Variants in LEF1 observed in about 807,000 individuals in gnomAD.
LEF1 encodes the protein lymphoid enhancer binding factor 1.
A neutral mutation model predicts 51.2 loss-of-function variants in LEF1; 14 were observed. The observed-to-expected ratio is 0.27, with a 90% confidence interval of 0.18 to 0.43. The LOEUF (loss-of-function observed/expected upper bound fraction) is 0.43, where lower values mean the gene tolerates loss of function less well. Among genes scored for constraint, LEF1 ranks in the 20% least tolerant of loss-of-function variants. The pLI, the probability that LEF1 is intolerant of heterozygous loss-of-function variation, is 1.00. For missense variants in LEF1, 386 were observed against 512.0 expected (o/e 0.75, Z 2.37); for synonymous variants, 185 against 183.2 (o/e 1.01, Z -0.08).
intron 3 of LEF1, among the ~76,000 whole-genome samples, chr4:108,152,445 C>T (rs1299955266): frequency 1.3e-5 from 2 of 152,120 alleles, no homozygotes; most frequent in Admixed American, 6.6e-5. Flanking sequence ...GCAAGGCACT[C>T]GGGGAGAAAA....
rs571804941 is a variant in LEF1 at position 108,060,378 on chromosome 4, C to T, written c.*6+3245G>A. 8.5e-5 allele frequency among the ~76,000 whole-genome samples: 13 copies of T among 152,242 alleles called. No homozygotes were observed. The South Asian group carries it at 1.5e-3, about 17-fold the overall frequency. ...AAGCAAAGCAGACCAGAAAGTTGGA[C>T]TTGAGGGAGAGACAGACAGGGATCT... On this transcript the variant is annotated intron_variant, in intron 11 of 11. Coordinates refer to ENST00000265165, the MANE Select transcript of LEF1 (RefSeq NM_016269.5).
Position 108,167,574 on chromosome 4 carries a change from G to A in LEF1, c.194C>T (p.Pro65Leu). 1 of 1,614,166 alleles carries A rather than the reference G, an allele frequency of 6.2e-7. No individual in the cohort carries two copies. Among genetic ancestry groups the A allele is most frequent in the Non-Finnish European group, 8.5e-7 (1 of 1,179,998 alleles). ...SSLVNESEII[P>L]ASNGHEVARQ... The stretch of plus-strand genomic sequence containing the variant: ...GCTCACCTCGTGTCCGTTGCTGGCC[G>A]GGATGATTTCAGACTCGTTCACCAA... Residue 65 changes from proline to leucine, a missense_variant, in exon 1 of 12, where the codon CCG becomes CTG. By Grantham distance (98) the Pro-to-Leu change is moderately conservative. Around this residue, in one of 2 missense-constraint regions of LEF1, gnomAD observed 335 missense variants for 390.7 expected, o/e 0.86. Coordinates refer to ENST00000265165, the MANE Select transcript of LEF1 (RefSeq NM_016269.5). This position sits in a 1 kb window ranked among gnomAD's most constrained non-coding sequence, Gnocchi z 5.7.
chr4:108,133,740 T>C (rs1743053512), intron 3 of LEF1, among the ~76,000 whole-genome samples: 1 of 152,210 alleles, frequency 6.6e-6, no homozygotes, highest in African/African-American at 2.4e-5. Context: ...TCCTACTCAA[T>C]AAACTCCTTT....
intron 3 of LEF1, 106 bp downstream of exon 3, chr4:108,163,462 A>G: frequency 8.2e-7 from 1 of 1,220,776 alleles, no homozygotes; most frequent in Non-Finnish European, 1.2e-6. Context: ...GACTAGTTAT[A>G]TATAATGAAA....
intron 3 of LEF1, among the ~76,000 whole-genome samples, chr4:108,142,519 C>T (rs1332658404): frequency 2.0e-5 from 3 of 152,234 alleles, no homozygotes; most frequent in African/African-American, 7.2e-5. Context: ...AAAAGTAAAG[C>T]TATTTCTAAT....
At chr4:108,153,076 C>T (rs1456449908) in intron 3 of LEF1, among the ~76,000 whole-genome samples, 2 of 152,232 alleles carry the variant, frequency 1.3e-5, no homozygotes, top group Non-Finnish European at 2.9e-5. Context: ...AAAGTAGGAA[C>T]TGCTGCCCTC....
chr4:108,130,173 G>A (rs1298619602), intron 3 of LEF1, among the ~76,000 whole-genome samples: 1 of 152,096 alleles, frequency 6.6e-6, no homozygotes, highest in African/African-American at 2.4e-5. Context: ...AGGACATGCA[G>A]AGCAGCAATT....
intron 10 of LEF1, 61 bp downstream of exon 10, chr4:108,064,275 C>T: frequency 8.7e-7 from 1 of 1,143,248 alleles, no homozygotes; most frequent in Non-Finnish European, 1.3e-6. Context: ...GAGATGCAAA[C>T]TGCCTTAAAA....
chr4:108,085,678 G>A (rs62310682), intron 4 of LEF1, among the ~76,000 whole-genome samples: 6,382 of 143,772 alleles, frequency 0.044, 167 homozygotes, highest in Non-Finnish European at 0.064. Context: ...GGAACTAGAG[G>A]ACAGGTCCTA....
intron 8 of LEF1, among the ~76,000 whole-genome samples, chr4:108,076,039 G>A (rs564170246): frequency 2.8e-4 from 42 of 152,122 alleles, no homozygotes; most frequent in African/African-American, 8.4e-4. Context: ...AGAGCTAAAC[G>A]CTTTCCTGTT....
At chr4:108,163,784 C>G in intron 2 of LEF1, 83 bp from the exon 3 acceptor site, 1 of 1,425,328 alleles carries the variant, frequency 7.0e-7, no homozygotes, top group South Asian at 1.4e-5. Context: ...TCTAATAGTT[C>G]TAAGATAAAT....
At chr4:108,062,398 G>A (rs551938943) in intron 11 of LEF1, among the ~76,000 whole-genome samples, 52 of 152,258 alleles carry the variant, frequency 3.4e-4, no homozygotes, top group African/African-American at 1.2e-3. Context: ...CAGCATGTGC[G>A]GTGCCCTCTT....
At chr4:108,058,095 C>T (rs376404394) in intron 11 of LEF1, among the ~76,000 whole-genome samples, 5 of 151,858 alleles carry the variant, frequency 3.3e-5, no homozygotes, top group South Asian at 2.1e-4. Flanking sequence ...AGGCTGGTCT[C>T]GAACTCCTGA....
intron 6 of LEF1, among the ~76,000 whole-genome samples, chr4:108,081,039 G>C (rs1292770867): frequency 6.6e-6 from 1 of 152,064 alleles, no homozygotes; most frequent in South Asian, 2.1e-4. Flanking sequence ...CACAGGGCCT[G>C]ATTCACACAC....
At position 108,163,558 on chromosome 4, in the gene LEF1, T is replaced by C. The variant is rs1409980594; in HGVS notation, c.414+10A>G. On this transcript the variant is annotated intron_variant, in intron 3 of 11. Transcript: ENST00000265165. ...CTGAACATAATTTGCAACATCAGCA[T>C]GTTACTTACTGTTCTCGGGATGGGT... 2.5e-6 allele frequency: 4 copies of C among 1,609,648 alleles called. No homozygotes were observed. In the South Asian group the frequency reaches 3.3e-5, roughly 13 times the overall value.
chr4:108,162,054 T>C (rs1446774922), intron 3 of LEF1, among the ~76,000 whole-genome samples: 1 of 152,218 alleles, frequency 6.6e-6, no homozygotes, highest in Non-Finnish European at 1.5e-5. Context: ...ACTCAAGCAT[T>C]TATTTGAGGG....
At chr4:108,137,269 G>C (rs1743357113) in intron 3 of LEF1, among the ~76,000 whole-genome samples, 1 of 152,166 alleles carries the variant, frequency 6.6e-6, no homozygotes, top group East Asian at 1.9e-4. Context: ...CAGGGGAAAG[G>C]GTGGGAGTGG....
At chr4:108,095,095 C>T (rs748002017) in intron 3 of LEF1, among the ~76,000 whole-genome samples, 1 of 152,146 alleles carries the variant, frequency 6.6e-6, no homozygotes, top group African/African-American at 2.4e-5. Context: ...AGACCCCCTA[C>T]TGGTGGTGAT....
At position 108,055,906 on chromosome 4, in the gene LEF1, ATTTC is replaced by A. The variant is rs1395810244; in HGVS notation, c.*7-7159_*7-7156del. The stretch of plus-strand genomic sequence containing the variant: ...TCACTGTACCCATGAACCCAACCCA[ATTTC>A]TTTATTAACACAGAGCTGTCTAGAT... On this transcript the variant is annotated intron_variant, in intron 11 of 11. Transcript: ENST00000265165. 2.6e-5 allele frequency among the ~76,000 whole-genome samples: 4 copies of A among 152,296 alleles called. No individual in the cohort carries two copies. In the South Asian group the frequency reaches 8.3e-4, roughly 32 times the overall value.
Sources: allele counts gnomAD v4.1 joint callset (sites outside exome capture counted in the v4.1 genomes callset), GRCh38; gene constraint gnomAD v4.1.1; regional missense constraint gnomAD v4.1.1; non-coding constraint Gnocchi (gnomAD v3.1); transcripts MANE v1.5; gene names NCBI Gene and HGNC (gene_info 2026-07-23, HGNC 2026-07-21).